The following CTNND2 variants were observed in gnomAD, a reference collection of about 807,000 sequenced individuals.
The protein encoded by CTNND2 is catenin delta 2.
A neutral mutation model predicts 144.4 loss-of-function variants in CTNND2; 22 were observed. That is an observed-to-expected ratio of 0.15 (90% confidence interval 0.11 to 0.22). CTNND2 has a LOEUF of 0.22. CTNND2 is among the 10% of genes least tolerant of loss of function. The pLI is 1.00. For missense variants in CTNND2, 1,353 were observed against 1,618.8 expected (o/e 0.84, Z 2.82); for synonymous variants, 751 against 695.6 (o/e 1.08, Z -1.25).
At chr5:11,042,044 T>C (rs1017760635) in intron 16 of CTNND2, among the ~76,000 whole-genome samples, 6 of 152,176 alleles carry the variant, frequency 3.9e-5, no homozygotes, top group African/African-American at 1.2e-4. Context: ...CTTATGAGAA[T>C]AGAGAAACTT....
intron 2 of CTNND2, among the ~76,000 whole-genome samples, chr5:11,610,757 A>C (rs568774373): frequency 6.6e-6 from 1 of 152,316 alleles, no homozygotes; most frequent in Non-Finnish European, 1.5e-5. Context: ...TATCAATGAC[A>C]TATTAGAGGT....
intron 15 of CTNND2, among the ~76,000 whole-genome samples, chr5:11,093,927 C>A (rs1751043449): frequency 6.6e-6 from 1 of 152,170 alleles, no homozygotes; most frequent in African/African-American, 2.4e-5. Flanking sequence ...CATTGCTTGG[C>A]TTCATGATAA....
Position 11,384,854 on chromosome 5 carries a change from G to C in CTNND2, c.988C>G (p.Arg330Gly). Residue 330 changes from arginine (R) to glycine (G), a missense_variant, in exon 7 of 22, where the codon CGC becomes GGC. By Grantham distance (125) the Arg-to-Gly change is moderately radical (BLOSUM62 -2). Around this residue, in one of 4 missense-constraint regions of CTNND2, gnomAD observed 708 missense variants for 706.4 expected, o/e 1.00. Coordinates refer to ENST00000304623, the MANE Select transcript of CTNND2 (RefSeq NM_001332.4). The surrounding 1 kb of genome is among the most constrained non-coding windows in gnomAD (Gnocchi z 5.2). Reference protein sequence around the residue: ...VVSSAGLSPIRVTSPPTVQST... With the variant: ...VVSSAGLSPIGVTSPPTVQST... Reference sequence around the variant, plus strand: ...TGCACGGTGGGGGGCGAGGTCACGCGGATCGGGGACAGGCCGGCCGAGGAC... The same window carrying C: ...TGCACGGTGGGGGGCGAGGTCACGCCGATCGGGGACAGGCCGGCCGAGGAC... 6.2e-7 allele frequency: 1 copy of C among 1,612,810 alleles called. No individual in the cohort carries two copies. Among genetic ancestry groups the C allele is most frequent in the Non-Finnish European group, 8.5e-7 (1 of 1,179,624 alleles).
At chr5:11,735,064 T>G (rs1787602896) in intron 1 of CTNND2, among the ~76,000 whole-genome samples, 1 of 152,050 alleles carries the variant, frequency 6.6e-6, no homozygotes, top group African/African-American at 2.4e-5. Context: ...TTTGGGGAAA[T>G]AATATCAACA....
intron 1 of CTNND2, among the ~76,000 whole-genome samples, chr5:11,848,238 A>T (rs1178366248): frequency 2.0e-5 from 3 of 152,136 alleles, no homozygotes; most frequent in African/African-American, 4.8e-5. Flanking sequence ...GGTCTAAAAA[A>T]GTACGTCTTT....
At position 11,258,582 on chromosome 5, in the gene CTNND2, G is replaced by C. The variant is rs193223169; in HGVS notation, c.1629-21759C>G. Among the ~76,000 whole-genome samples, 14 of 152,120 alleles carry C rather than the reference G, an allele frequency of 9.2e-5. 1 individual carries two copies. Among genetic ancestry groups the C allele is most frequent in the Admixed American group, 8.5e-4 (13 of 15,276 alleles). On this transcript the variant is annotated intron_variant, in intron 9 of 21. Coordinates refer to ENST00000304623, the MANE Select transcript of CTNND2 (RefSeq NM_001332.4). ...AAATGATCTAATCTTGGTAAGTTTC[G>C]CTTTGTCTACTCTTTTCATTTTTGC...
rs561721672 is a variant in CTNND2, at chr5:11,307,504, C to T, written c.1628+38868G>A. ...GGGGCCAAGGGGCTGAAGAAAGTTTCGCTTGCTGAACAATGCCTATATTTT... is the reference window on the plus strand; with the variant it reads ...GGGGCCAAGGGGCTGAAGAAAGTTTTGCTTGCTGAACAATGCCTATATTTT... On this transcript the variant is annotated intron_variant, in intron 9 of 21. Transcript: ENST00000304623. 2.0e-4 allele frequency among the ~76,000 whole-genome samples: 31 copies of T among 152,228 alleles called. No individual in the cohort carries two copies. In the South Asian group the frequency reaches 5.4e-3, roughly 27 times the overall value.
intron 3 of CTNND2, among the ~76,000 whole-genome samples, chr5:11,464,368 G>A (rs1385172787): frequency 6.6e-6 from 1 of 152,180 alleles, no homozygotes; most frequent in Non-Finnish European, 1.5e-5. Context: ...GGTGATCACT[G>A]GGAGGAGAGA....
intron 1 of CTNND2, among the ~76,000 whole-genome samples, chr5:11,882,020 A>C (rs1736155010): frequency 6.6e-6 from 1 of 151,938 alleles, no homozygotes; most frequent in Non-Finnish European, 1.5e-5. Flanking sequence ...CCTGTTAGAT[A>C]TCTCTATGTC....
intron 9 of CTNND2, among the ~76,000 whole-genome samples, chr5:11,311,869 T>A (rs113176373): frequency 9.7e-5 from 7 of 72,318 alleles, no homozygotes; most frequent in Admixed American, 1.6e-4. Context: ...ACACTCCCCC[T>A]TCCCACTCAC....
chr5:10,977,586 G>A (rs2149481026), intron 21 of CTNND2, among the ~76,000 whole-genome samples: 1 of 152,156 alleles, frequency 6.6e-6, no homozygotes, highest in South Asian at 2.1e-4. Flanking sequence ...CCAGCTAGCT[G>A]GGACTACAGG....
At chr5:11,820,360 A>C (rs1793244794) in intron 1 of CTNND2, among the ~76,000 whole-genome samples, 2 of 152,200 alleles carry the variant, frequency 1.3e-5, no homozygotes, top group African/African-American at 4.8e-5. Context: ...TAAGGCTCAA[A>C]CTTAGAAGAA....
intron 3 of CTNND2, among the ~76,000 whole-genome samples, chr5:11,547,319 A>G (rs1399889243): frequency 7.3e-6 from 1 of 137,230 alleles, no homozygotes; most frequent in East Asian, 2.1e-4. Flanking sequence ...AAATAAATAA[A>G]TAAAGTAAAA....
intron 10 of CTNND2, among the ~76,000 whole-genome samples, chr5:11,229,628 T>C (rs1247910056): frequency 6.6e-6 from 1 of 151,662 alleles, no homozygotes; most frequent in African/African-American, 2.4e-5. Flanking sequence ...CATATTACCT[T>C]GAATGCAGCC....
intron 5 of CTNND2, among the ~76,000 whole-genome samples, chr5:11,404,601 TC>T (rs1760925507): frequency 1.5e-5 from 2 of 133,674 alleles, no homozygotes; most frequent in Non-Finnish European, 3.1e-5. Context: ...GTATCTGTAT[TC>T]TTTTTTTTTT....
chr5:11,465,640 A>G (rs2149943239), intron 3 of CTNND2, among the ~76,000 whole-genome samples: 1 of 152,328 alleles, frequency 6.6e-6, no homozygotes, highest in East Asian at 1.9e-4. Flanking sequence ...ACTCATAGCT[A>G]TAATTCAACA....
intron 2 of CTNND2, among the ~76,000 whole-genome samples, chr5:11,620,870 T>G (rs1780798859): frequency 6.6e-6 from 1 of 152,136 alleles, no homozygotes; most frequent in Non-Finnish European, 1.5e-5. Context: ...AATTTCTGGA[T>G]GTCGAATACC....
chr5:11,254,208 C>T (rs1486627797), intron 9 of CTNND2, among the ~76,000 whole-genome samples: 1 of 152,250 alleles, frequency 6.6e-6, no homozygotes, highest in African/African-American at 2.4e-5. Context: ...CACTTTTCTT[C>T]CCAGAGCCTG....
chr5:11,837,689 TTTTC>T (rs918757231), intron 1 of CTNND2, among the ~76,000 whole-genome samples: 4 of 152,156 alleles, frequency 2.6e-5, no homozygotes, highest in Admixed American at 6.5e-5. Flanking sequence ...TGTTTGTTTG[TTTTC>T]TTTCTTTGTT....
Sources: gnomAD v4.1 joint callset for allele counts (sites outside exome capture counted in the v4.1 genomes callset) on GRCh38, gnomAD v4.1.1 for gene constraint, gnomAD v4.1.1 regional missense constraint, Gnocchi (gnomAD v3.1) non-coding constraint, MANE v1.5 for transcripts, NCBI Gene and HGNC (gene_info 2026-07-23, HGNC 2026-07-21) for gene names.